The following TOX3 variants were observed in gnomAD, a reference collection of about 807,000 sequenced individuals.
TOX3 encodes the protein CAG trinucleotide repeat-containing gene F9 protein.
A neutral mutation model predicts 64.3 loss-of-function variants in TOX3; 22 were observed. The ratio of observed to expected loss-of-function variants is 0.34; its 90% CI spans 0.24 to 0.49. The LOEUF (loss-of-function observed/expected upper bound fraction) is 0.49, where lower values mean the gene tolerates loss of function less well. Among genes scored for constraint, TOX3 ranks in the 20% least tolerant of loss-of-function variants. TOX3 has a pLI of 0.99. For synonymous variants in TOX3, 291 were observed against 273.6 expected (o/e 1.06, Z -0.63); for missense variants, 661 against 714.4 (o/e 0.93, Z 0.85).
chr16:52,456,485 C>G (rs1014068833), intron 3 of TOX3, among the ~76,000 whole-genome samples: 1 of 152,256 alleles, frequency 6.6e-6, no homozygotes, highest in South Asian at 2.1e-4. Flanking sequence ...TTCAACAAAG[C>G]CTTCTGGTTT....
At chr16:52,510,415 T>C (rs1466507841) in intron 1 of TOX3, among the ~76,000 whole-genome samples, 1 of 152,156 alleles carries the variant, frequency 6.6e-6, no homozygotes, top group African/African-American at 2.4e-5. Flanking sequence ...GATTTAGTAA[T>C]GCTGGATTTA....
chr16:52,440,080 G>T, intron 6 of TOX3, 112 bp from the exon 7 acceptor site: 2 of 865,032 alleles, frequency 2.3e-6, no homozygotes, highest in Non-Finnish European at 3.4e-6. Flanking sequence ...CATTATTCAT[G>T]CCCTCCTGTA....
chr16:52,459,345 C>T (rs1259263100), intron 3 of TOX3, among the ~76,000 whole-genome samples: 3 of 151,984 alleles, frequency 2.0e-5, no homozygotes, highest in Non-Finnish European at 4.4e-5. Context: ...TAACAACAAA[C>T]AATATACAGC....
intron 4 of TOX3, among the ~76,000 whole-genome samples, chr16:52,447,948 CA>C (rs1225429836): frequency 6.6e-6 from 1 of 152,122 alleles, no homozygotes; most frequent in Non-Finnish European, 1.5e-5. Context: ...TATTACTTTC[CA>C]GAGTAGCTTT....
At chr16:52,481,520 T>C (rs763796646) in intron 1 of TOX3, among the ~76,000 whole-genome samples, 12 of 152,222 alleles carry the variant, frequency 7.9e-5, no homozygotes, top group Admixed American at 2.0e-4. Context: ...TCATCAATGA[T>C]AAGAAGTTCA....
chr16:52,545,117 T>A (rs1467839382), intron 1 of TOX3, among the ~76,000 whole-genome samples: 1 of 152,236 alleles, frequency 6.6e-6, no homozygotes, highest in Non-Finnish European at 1.5e-5. Flanking sequence ...GGGGACTTTT[T>A]AAAGCATTTA....
rs199797810 is a variant in TOX3, at chr16:52,468,215, A to ATG, written c.153+292_153+293dup. 8.6e-4 allele frequency among the ~76,000 whole-genome samples: 131 copies of ATG among 151,752 alleles called. 3 individuals carry two copies. In the East Asian group the frequency reaches 0.011, roughly 13 times the overall value. On this transcript the variant is annotated intron_variant, in intron 2 of 6. Coordinates refer to ENST00000219746, the MANE Select transcript of TOX3 (RefSeq NM_001080430.4). The stretch of plus-strand genomic sequence containing the variant: ...ATCTGCTTAGATACCAACACTGTAT[A>ATG]TGTGTGTGTGTGTGTTTTAACATAC...
In TOX3 at chr16:52,481,795, G is replaced by T. The variant is rs180793281; in HGVS notation, c.88-13221C>A. Among the ~76,000 whole-genome samples the T allele has an allele frequency of 3.1e-4, 47 of 152,256 alleles. No homozygotes were observed. The East Asian group carries it at 8.9e-3, about 29-fold the overall frequency. On this transcript the variant is annotated intron_variant, in intron 1 of 6. Transcript: ENST00000219746. ...ATTTTTCTGTGATTTTATGATTGCCGGAATTCTGTAGGGACAACTTTTTAC... is the reference window on the plus strand; with the variant it reads ...ATTTTTCTGTGATTTTATGATTGCCTGAATTCTGTAGGGACAACTTTTTAC...
chr16:52,546,513 G>A, intron 1 of TOX3, 124 bp downstream of exon 1: 1 of 852,100 alleles, frequency 1.2e-6, no homozygotes, highest in Non-Finnish European at 1.8e-6. Context: ...AGGCTCAAAG[G>A]TAGAAGAGAC....
At chr16:52,525,340 G>A (rs2151481156) in intron 1 of TOX3, among the ~76,000 whole-genome samples, 1 of 152,286 alleles carries the variant, frequency 6.6e-6, no homozygotes, top group East Asian at 1.9e-4. Context: ...AAAACCTTAT[G>A]TGGAGTCCGG....
intron 1 of TOX3, among the ~76,000 whole-genome samples, chr16:52,523,740 C>T (rs553680563): frequency 4.5e-4 from 68 of 151,590 alleles, no homozygotes; most frequent in African/African-American, 1.6e-3. Flanking sequence ...CTTTTTTTTT[C>T]AGTTCATGAA....
intron 1 of TOX3, among the ~76,000 whole-genome samples, chr16:52,474,031 C>T (rs1226083765): frequency 2.0e-5 from 3 of 152,162 alleles, no homozygotes; most frequent in African/African-American, 4.8e-5. Context: ...GTACATCCAA[C>T]GGTCTACAGC....
At chr16:52,500,186 G>A (rs1046288165) in intron 1 of TOX3, among the ~76,000 whole-genome samples, 18 of 152,270 alleles carry the variant, frequency 1.2e-4, no homozygotes, top group African/African-American at 3.4e-4. Context: ...AAGTCACATC[G>A]CATCAAATGT....
intron 1 of TOX3, among the ~76,000 whole-genome samples, chr16:52,479,714 T>C (rs766898415): frequency 1.3e-5 from 2 of 152,182 alleles, no homozygotes; most frequent in South Asian, 2.1e-4. Flanking sequence ...CCCTTCTCCA[T>C]GGAAAGATAT....
At chr16:52,471,958 G>T (rs75423155) in intron 1 of TOX3, among the ~76,000 whole-genome samples, 5,469 of 152,142 alleles carry the variant, frequency 0.036, 132 homozygotes, top group East Asian at 0.095. Context: ...TTACATTCCG[G>T]TATCTGCAAA....
rs1371251787 is a variant in TOX3, at chr16:52,438,667, A to G, written c.*558T>C. On this transcript the variant is annotated 3_prime_UTR_variant, in exon 7 of 7. Coordinates refer to ENST00000219746, the MANE Select transcript of TOX3 (RefSeq NM_001080430.4). ...CATTTTTTTTCTGGAGAGATTTAGG[A>G]AAAAAAATAAGAGCTTTGGCAAAAG... The G allele has an allele frequency of 5.6e-5, 10 of 179,182 alleles. No homozygotes were observed. Among genetic ancestry groups the G allele is most frequent in the South Asian group, 1.2e-4 (1 of 8,524 alleles). 11.1% of individuals were successfully genotyped at this position (179,182 alleles called of 1,614,324 possible).
At chr16:52,465,408 A>AT (rs539787181) in intron 2 of TOX3, among the ~76,000 whole-genome samples, 73 of 135,948 alleles carry the variant, frequency 5.4e-4, no homozygotes, top group South Asian at 2.7e-3. Flanking sequence ...TTTTGGGGGG[A>AT]TTTTTTTGGC....
intron 1 of TOX3, among the ~76,000 whole-genome samples, chr16:52,545,823 C>G (rs1172409222): frequency 6.6e-6 from 1 of 152,124 alleles, no homozygotes; most frequent in Non-Finnish European, 1.5e-5. Flanking sequence ...GACTCTCGCC[C>G]GCCTCGCTGC....
intron 1 of TOX3, among the ~76,000 whole-genome samples, chr16:52,540,061 C>T (rs1190661984): frequency 6.6e-6 from 1 of 152,018 alleles, no homozygotes; most frequent in African/African-American, 2.4e-5. Flanking sequence ...AAAAGTAAAA[C>T]TCTAACCAAT....
Sources: allele counts gnomAD v4.1 joint callset (sites outside exome capture counted in the v4.1 genomes callset), GRCh38; gene constraint gnomAD v4.1.1; transcripts MANE v1.5; gene names NCBI Gene and HGNC (gene_info 2026-07-23, HGNC 2026-07-21).